Variants in PAFAH1B1 observed in about 807,000 individuals in gnomAD.
PAFAH1B1 encodes platelet-activating factor acetylhydrolase IB subunit beta.
PAFAH1B1 carries 2 observed loss-of-function variants against 57.5 expected under a neutral mutation model. The ratio of observed to expected loss-of-function variants is 0.03; its 90% CI spans 0.01 to 0.11. The LOEUF (loss-of-function observed/expected upper bound fraction) is 0.11, where lower values mean the gene tolerates loss of function less well. PAFAH1B1 is among the 10% of genes least tolerant of loss of function. The pLI is 1.00. For missense variants in PAFAH1B1, 257 were observed against 512.0 expected (o/e 0.50, Z 4.81); for synonymous variants, 152 against 169.6 (o/e 0.90, Z 0.81).
intron 5 of PAFAH1B1, among the ~76,000 whole-genome samples, chr17:2,668,800 C>T (rs1363840220): frequency 1.3e-5 from 2 of 151,986 alleles, no homozygotes; most frequent in Non-Finnish European, 2.9e-5. Flanking sequence ...ATGGTGAAAC[C>T]CCGTCTCTAC....
At chr17:2,595,341 G>T (rs1454738694) in intron 1 of PAFAH1B1, among the ~76,000 whole-genome samples, 1 of 151,964 alleles carries the variant, frequency 6.6e-6, no homozygotes, top group Non-Finnish European at 1.5e-5. Context: ...TCTTTTCGAG[G>T]CTAGGGCGGA....
At chr17:2,607,709 C>T (rs2068221728) in intron 1 of PAFAH1B1, among the ~76,000 whole-genome samples, 1 of 151,934 alleles carries the variant, frequency 6.6e-6, no homozygotes, top group African/African-American at 2.4e-5. Flanking sequence ...TGGTCTCAAA[C>T]TCTGGGCCTC....
rs1453982993 is a variant in PAFAH1B1 at position 2,681,986 on chromosome 17, T to C, written c.*184T>C. ...TGCATGGTGAATCCAAATTGTATAC[T>C]GTAAATTTACATACGTTGTCTAGAA... On this transcript the variant is annotated 3_prime_UTR_variant, in exon 11 of 11. Coordinates refer to ENST00000397195, the MANE Select transcript of PAFAH1B1 (RefSeq NM_000430.4). 2 of 572,354 alleles carry C rather than the reference T, an allele frequency of 3.5e-6. No individual in the cohort carries two copies. The highest frequency in any genetic ancestry group is 3.2e-5 in the Admixed American group (1 of 31,136). The allele number at this position is 572,354 out of a possible 1,614,324, so 35.5% of individuals were successfully genotyped here.
At chr17:2,606,905 A>G (rs1036918115) in intron 1 of PAFAH1B1, among the ~76,000 whole-genome samples, 2 of 144,316 alleles carry the variant, frequency 1.4e-5, no homozygotes, top group Non-Finnish European at 3.0e-5. Flanking sequence ...GCTCACTGCA[A>G]CCTCTGCCTC....
intron 9 of PAFAH1B1, among the ~76,000 whole-genome samples, chr17:2,679,064 C>T (rs748064239): frequency 3.9e-5 from 6 of 152,174 alleles, no homozygotes; most frequent in Non-Finnish European, 7.3e-5. Flanking sequence ...ACAGTAGCTA[C>T]CATGTTCAAC....
intron 2 of PAFAH1B1, chr17:2,639,900 AT>A (rs2068674563): frequency 6.6e-6 from 1 of 152,202 alleles, no homozygotes; most frequent in African/African-American, 2.4e-5. Context: ...TATTTTTACA[AT>A]TAAAAAAAAA....
chr17:2,646,946 G>A (rs2068776921), intron 2 of PAFAH1B1, among the ~76,000 whole-genome samples: 1 of 152,132 alleles, frequency 6.6e-6, no homozygotes, highest in Non-Finnish European at 1.5e-5. Context: ...GAAACACTGG[G>A]TGAGGCCAGG....
At chr17:2,675,889 ATTTGGT>A (rs2069257567) in intron 8 of PAFAH1B1, among the ~76,000 whole-genome samples, 1 of 152,096 alleles carries the variant, frequency 6.6e-6, no homozygotes, top group East Asian at 1.9e-4. Context: ...AAATAAGTAA[ATTTGGT>A]TTTGGTTGGA....
chr17:2,599,971 CTTTTTTTTT>C (rs34442256), intron 1 of PAFAH1B1, among the ~76,000 whole-genome samples: 4 of 82,794 alleles, frequency 4.8e-5, no homozygotes, highest in Admixed American at 1.5e-4. Flanking sequence ...CATTTTTAAC[CTTTTTTTTT>C]TTTTTTTTTT....
At chr17:2,673,810 A>C in intron 7 of PAFAH1B1, 2 of 469,602 alleles carry the variant, frequency 4.3e-6, no homozygotes, top group Non-Finnish European at 7.8e-6. Flanking sequence ...TTAAGTGTGC[A>C]TTTAGTTTTG....
chr17:2,624,097 C>T (rs556402714), intron 1 of PAFAH1B1, among the ~76,000 whole-genome samples: 1 of 152,306 alleles, frequency 6.6e-6, no homozygotes, highest in Non-Finnish European at 1.5e-5. Flanking sequence ...TGCTGCCAGT[C>T]TCTTTGCTAA....
intron 1 of PAFAH1B1, chr17:2,613,840 G>A (rs1444541882): frequency 2.3e-5 from 6 of 256,766 alleles, no homozygotes; most frequent in South Asian, 1.1e-4. Context: ...GCAGGAATCC[G>A]TAGCCTGGGA....
intron 1 of PAFAH1B1, among the ~76,000 whole-genome samples, chr17:2,627,368 G>A (rs566898616): frequency 1.1e-3 from 174 of 152,192 alleles, no homozygotes; most frequent in Non-Finnish European, 1.7e-3. Context: ...TACTTTATGT[G>A]TTTGTTTGCT....
intron 2 of PAFAH1B1, chr17:2,659,490 C>A (rs2068986258): frequency 5.6e-6 from 1 of 179,400 alleles, no homozygotes; most frequent in South Asian, 6.8e-5. Context: ...CACTGCATTC[C>A]AGCCTGGCGA....
At chr17:2,644,617 C>T (rs1448920399) in intron 2 of PAFAH1B1, among the ~76,000 whole-genome samples, 2 of 152,200 alleles carry the variant, frequency 1.3e-5, no homozygotes, top group African/African-American at 4.8e-5. Context: ...ATGTATTCAA[C>T]CAGTCTCCCG....
chr17:2,654,508 G>A (rs1230535885), intron 2 of PAFAH1B1, among the ~76,000 whole-genome samples: 1 of 152,072 alleles, frequency 6.6e-6, no homozygotes, highest in South Asian at 2.1e-4. Context: ...GATAATGATG[G>A]AATCTATAAT....
chr17:2,593,590 G>GGGCTGC (rs1555520024), upstream of PAFAH1B1, among the ~76,000 whole-genome samples: 1 of 148,666 alleles, frequency 6.7e-6, no homozygotes, highest in East Asian at 2.0e-4. Flanking sequence ...GGCGGGTCTG[G>GGGCTGC]GGCGGCGGCG....
chr17:2,633,465 G>C (rs1335621038), intron 1 of PAFAH1B1, among the ~76,000 whole-genome samples: 2 of 151,076 alleles, frequency 1.3e-5, no homozygotes, highest in Admixed American at 6.6e-5. Flanking sequence ...ACTGTGCCCA[G>C]CCAGGATTTC....
chr17:2,650,704 G>GT (rs1338395767), intron 2 of PAFAH1B1, among the ~76,000 whole-genome samples: 1 of 149,148 alleles, frequency 6.7e-6, no homozygotes, highest in East Asian at 2.0e-4. Flanking sequence ...GTATATAAAA[G>GT]TAATCCCACA....
Sources: allele counts gnomAD v4.1 joint callset (sites outside exome capture counted in the v4.1 genomes callset), GRCh38; gene constraint gnomAD v4.1.1; transcripts MANE v1.5; gene names NCBI Gene and HGNC (gene_info 2026-07-23, HGNC 2026-07-21).